The following SCUBE3 variants were observed in gnomAD, a reference collection of about 807,000 sequenced individuals.
SCUBE3 encodes the protein signal peptide, CUB and EGF-like domain-containing protein 3.
A neutral mutation model predicts 116.8 loss-of-function variants in SCUBE3; 33 were observed. The observed-to-expected ratio is 0.28, with a 90% CI of 0.21 to 0.38. SCUBE3 has a LOEUF of 0.38. SCUBE3 is among the 10% of genes least tolerant of loss of function. The probability of loss-of-function intolerance (pLI) is 1.00; values close to 1 mark genes in which losing one functional copy is unlikely to be tolerated. For synonymous variants in SCUBE3, 418 were observed against 496.9 expected, an observed-to-expected ratio of 0.84 and a Z score of 2.11; for missense variants, 1,007 against 1,324.8, an observed-to-expected ratio of 0.76 and a Z score of 3.72.
chr6:35,223,853 C>T (rs1029771170), intron 1 of SCUBE3: 1 of 152,210 alleles, frequency 6.6e-6, no homozygotes, highest in African/African-American at 2.4e-5. Flanking sequence ...TTGGGGCCCT[C>T]TTTCACAGCT....
Position 35,241,298 on chromosome 6 carries a change from C to G in SCUBE3, c.1195+32C>G. The G allele has an allele frequency of 6.4e-7, 1 of 1,571,686 alleles. No homozygotes were observed. The highest frequency in any genetic ancestry group is 8.7e-7 in the Non-Finnish European group (1 of 1,152,506). ...AGTGCCCTCTGCTGGCCAAAGATGA[C>G]ACTGCCATTTCAGGGAGCAGTTGGG... On this transcript the variant is annotated intron_variant, in intron 10 of 21. Transcript: ENST00000274938. The surrounding 1 kb of genome is among the most constrained non-coding windows in gnomAD (Gnocchi z 4.1).
Position 35,233,116 on chromosome 6 carries a change from C to A in SCUBE3, c.596-69C>A. On this transcript the variant is annotated intron_variant, in intron 5 of 21. Transcript: ENST00000274938. This position sits in a 1 kb window ranked among gnomAD's most constrained non-coding sequence, Gnocchi z 5.7. ...AGGCAACTAGGCAAGGGGGCCAGTACCCACATTGTGGAAAACTGTGGATGC... is the reference window on the plus strand; with the variant it reads ...AGGCAACTAGGCAAGGGGGCCAGTAACCACATTGTGGAAAACTGTGGATGC... The A allele has an allele frequency of 1.4e-6, 2 of 1,472,316 alleles. No homozygotes were observed. The highest frequency in any genetic ancestry group is 1.7e-5 in the Admixed American group (1 of 59,106). 91.2% of individuals were successfully genotyped at this position (1,472,316 alleles called of 1,614,324 possible). A position where few individuals can be genotyped will look rare whatever the true frequency, so the allele number is the denominator to read the frequency against.
At position 35,228,547 on chromosome 6, in the gene SCUBE3, C is replaced by G. The variant is rs956235132; in HGVS notation, c.209-67C>G. 157 of 1,572,874 alleles carry G rather than the reference C, an allele frequency of 1.0e-4. No individual in the cohort carries two copies. Among genetic ancestry groups the G allele is most frequent in the Non-Finnish European group, 1.3e-4 (144 of 1,148,890 alleles). ...TAACTATGTAAACACAACCATAAGG[C>G]TGAGTCTGGGGGTGGACAGTGGGTT... is the stretch of plus-strand genomic sequence containing the variant. On this transcript the variant is annotated intron_variant, in intron 2 of 21. Coordinates refer to ENST00000274938, the MANE Select transcript of SCUBE3 (RefSeq NM_152753.4). This position sits in a 1 kb window ranked among gnomAD's most constrained non-coding sequence, Gnocchi z 4.9.
At position 35,242,738 on chromosome 6, in the gene SCUBE3, AC is replaced by A; in HGVS notation, c.1654del (p.Leu552TrpfsTer29). The A allele has an allele frequency of 6.2e-7, 1 of 1,613,950 alleles. No individual in the cohort carries two copies. Among genetic ancestry groups the A allele is most frequent in the Non-Finnish European group, 8.5e-7 (1 of 1,179,858 alleles). On this transcript the variant is annotated frameshift_variant, in exon 14 of 22. Coordinates refer to ENST00000274938, the MANE Select transcript of SCUBE3 (RefSeq NM_152753.4). LOFTEE classifies it high-confidence loss of function. ...TPPGKEVTRL[T>X]LELEAEVRAE... ...TCCAGGCAAAGAGGTCACAAGGCTCACCCTGGAACTGGAGGCAGAGGTCAGA... is the reference window on the plus strand; with the variant it reads ...TCCAGGCAAAGAGGTCACAAGGCTCACCTGGAACTGGAGGCAGAGGTCAGA...
rs538743339 is a variant in SCUBE3 at position 35,243,898 on chromosome 6, C to T, written c.2072-65C>T. ...TTTGTATACCTTTGTCCCCTGAGAT[C>T]GGGTGACCCCATGGGGATGACTCAG... On this transcript the variant is annotated intron_variant, in intron 16 of 21. Transcript: ENST00000274938. The surrounding 1 kb of genome is among the most constrained non-coding windows in gnomAD (Gnocchi z 6.6). The T allele has an allele frequency of 6.1e-5, 95 of 1,554,304 alleles. No homozygotes were observed. The African/African-American group carries it at 6.2e-4, about 10-fold the overall frequency.
rs1784129239 is a variant in SCUBE3, at chr6:35,242,717, G to C, written c.1630G>C (p.Gly544Arg). 1.2e-6 allele frequency: 2 copies of C among 1,614,148 alleles called. No homozygotes were observed. The highest frequency in any genetic ancestry group is 1.3e-5 in the African/African-American group (1 of 75,062). Reference sequence around the variant, plus strand: ...GGGCCGACGGGCCCGGACCCCTCCAGGCAAAGAGGTCACAAGGCTCACCCT... The same window carrying C: ...GGGCCGACGGGCCCGGACCCCTCCACGCAAAGAGGTCACAAGGCTCACCCT... ...GKGRRARTPP[G>R]KEVTRLTLEL... Residue 544 changes from glycine to arginine, a missense_variant, in exon 14 of 22, where the codon GGC (glycine) becomes CGC (arginine). Around this residue, in one of 5 missense-constraint regions of SCUBE3, gnomAD observed 544 missense variants for 638.9 expected, o/e 0.85. Coordinates refer to ENST00000274938, the MANE Select transcript of SCUBE3 (RefSeq NM_152753.4).
chr6:35,225,307 G>A (rs1341792703), intron 1 of SCUBE3, among the ~76,000 whole-genome samples: 1 of 152,224 alleles, frequency 6.6e-6, no homozygotes, highest in Non-Finnish European at 1.5e-5. Context: ...TTGAATCTGG[G>A]ACTGACTGGT....
chr6:35,245,795 TG>T lies in SCUBE3; in HGVS notation c.2600-145del. On this transcript the variant is annotated intron_variant, in intron 19 of 21. Coordinates refer to ENST00000274938, the MANE Select transcript of SCUBE3 (RefSeq NM_152753.4). The surrounding 1 kb of genome is among the most constrained non-coding windows in gnomAD (Gnocchi z 4.2). ...GCCCAGTGGGCAATGGGAGAGGGTG[TG>T]GGGTAGGGTGTGTGTATGCGAAGGG... 1.2e-6 allele frequency: 1 copy of T among 812,074 alleles called. No homozygotes were observed. The highest frequency in any genetic ancestry group is 2.0e-6 in the Non-Finnish European group (1 of 499,784). 50.3% of individuals were successfully genotyped at this position (812,074 alleles called of 1,614,324 possible).
rs376942259 is a variant in SCUBE3, at chr6:35,243,630, C to T, written c.1946C>T (p.Thr649Met). The T allele has an allele frequency of 3.4e-5, 55 of 1,613,854 alleles. No individual in the cohort carries two copies. Among genetic ancestry groups the T allele is most frequent in the African/African-American group, 1.1e-4 (8 of 74,924 alleles). Residue 649 changes from threonine to methionine, a missense_variant, in exon 16 of 22, where the codon ACG (threonine) becomes ATG (methionine). Physicochemically the swap from Thr to Met is moderately conservative, Grantham distance 81. Transcript: ENST00000274938. The surrounding 1 kb of genome is among the most constrained non-coding windows in gnomAD (Gnocchi z 6.6). ...CPQGTYYHGQ[T>M]EQCVPCPAGT... ...CAGGGAACGTATTACCACGGCCAGACGGAGCAGTGTGTGCCATGCCCAGCG... is the reference window on the plus strand; with the variant it reads ...CAGGGAACGTATTACCACGGCCAGATGGAGCAGTGTGTGCCATGCCCAGCG...
Position 35,219,369 on chromosome 6 carries a change from G to A in SCUBE3, c.85+4866G>A, listed in dbSNP as rs566188105. Among the ~76,000 whole-genome samples the A allele has an allele frequency of 2.0e-5, 3 of 152,262 alleles. No homozygotes were observed. Among genetic ancestry groups the A allele is most frequent in the African/African-American group, 7.2e-5 (3 of 41,538 alleles). On this transcript the variant is annotated intron_variant, in intron 1 of 21. Coordinates refer to ENST00000274938, the MANE Select transcript of SCUBE3 (RefSeq NM_152753.4). The surrounding 1 kb of genome is among the most constrained non-coding windows in gnomAD (Gnocchi z 4.7). ...GCTGTCTGTATTCTGCCCTAGCCTA[G>A]ACATGTCCCCCTGCAGATCAAGCAC... is the stretch of plus-strand genomic sequence containing the variant.
At chr6:35,242,965 C>A in intron 14 of SCUBE3, 56 bp from the exon 15 acceptor site, 2 of 1,576,164 alleles carry the variant, frequency 1.3e-6, no homozygotes, top group Non-Finnish European at 1.7e-6. Flanking sequence ...CTCCCCTGCC[C>A]TCCTGCTCAC....
intron 3 of SCUBE3, among the ~76,000 whole-genome samples, chr6:35,229,374 C>T (rs1182292922): frequency 6.6e-6 from 1 of 152,138 alleles, no homozygotes; most frequent in South Asian, 2.1e-4. Context: ...TGTGTCACTG[C>T]GCTCCAGATC....
intron 1 of SCUBE3, among the ~76,000 whole-genome samples, chr6:35,225,343 T>C (rs1042718138): frequency 1.3e-5 from 2 of 152,262 alleles, no homozygotes; most frequent in Admixed American, 6.5e-5. Flanking sequence ...CGTTCTGTGA[T>C]AGCACATTTC....
Position 35,249,547 on chromosome 6 carries a change from C to T in SCUBE3, c.*842C>T, listed in dbSNP as rs1345508548. 1 of 152,264 alleles carries T rather than the reference C, an allele frequency of 6.6e-6. No individual in the cohort carries two copies. The highest frequency in any genetic ancestry group is 1.5e-5 in the Non-Finnish European group (1 of 68,084). The allele number at this position is 152,264 out of a possible 1,614,324, so 9.4% of individuals were successfully genotyped here. A position where few individuals can be genotyped will look rare whatever the true frequency, so the allele number is the denominator to read the frequency against. ...ATCATCTAAAGGACTAGACACAGAA[C>T]AATTGGAAGTCAACTTCAAACACTA... On this transcript the variant is annotated 3_prime_UTR_variant, in exon 22 of 22. Coordinates refer to ENST00000274938, the MANE Select transcript of SCUBE3 (RefSeq NM_152753.4).
chr6:35,221,141 T>G (rs548798306), intron 1 of SCUBE3: 1 of 152,310 alleles, frequency 6.6e-6, no homozygotes, highest in South Asian at 2.1e-4. Context: ...AGCAGTGGAA[T>G]GCCTGTGTCA....
rs550222081 is a variant in SCUBE3 at position 35,216,945 on chromosome 6, C to T, written c.85+2442C>T. Among the ~76,000 whole-genome samples the T allele has an allele frequency of 5.7e-4, 87 of 151,852 alleles. No individual in the cohort carries two copies. The Middle Eastern group carries it at 0.024, about 42-fold the overall frequency. ...CGACTGTGCACACATGAGAGGTTCA[C>T]CACAGTTACCCACAGGCAACATAGC... On this transcript the variant is annotated intron_variant, in intron 1 of 21. Coordinates refer to ENST00000274938, the MANE Select transcript of SCUBE3 (RefSeq NM_152753.4).
rs1042058059 is a variant in SCUBE3, at chr6:35,239,488, T to C, written c.830-264T>C. The stretch of plus-strand genomic sequence containing the variant: ...GGCCTGTTCCTAGTTTTGGTTCCAA[T>C]TTGTCCCCTTATAAGAACACTCAAT... On this transcript the variant is annotated intron_variant, in intron 7 of 21. Coordinates refer to ENST00000274938, the MANE Select transcript of SCUBE3 (RefSeq NM_152753.4). This position sits in a 1 kb window ranked among gnomAD's most constrained non-coding sequence, Gnocchi z 4.1. Among the ~76,000 whole-genome samples, 1 of 152,110 alleles carries C rather than the reference T, an allele frequency of 6.6e-6. No individual in the cohort carries two copies. The highest frequency in any genetic ancestry group is 2.4e-5 in the African/African-American group (1 of 41,400).
intron 1 of SCUBE3, among the ~76,000 whole-genome samples, chr6:35,216,291 G>C (rs1436108001): frequency 2.0e-5 from 3 of 152,214 alleles, no homozygotes; most frequent in African/African-American, 4.8e-5. Flanking sequence ...ACTCCCTGCT[G>C]GGTACTGAGG....
At position 35,240,549 on chromosome 6, in the gene SCUBE3, A is replaced by G. The variant is rs959607763; in HGVS notation, c.1069+59A>G. On this transcript the variant is annotated intron_variant, in intron 9 of 21. Coordinates refer to ENST00000274938, the MANE Select transcript of SCUBE3 (RefSeq NM_152753.4). This position sits in a 1 kb window ranked among gnomAD's most constrained non-coding sequence, Gnocchi z 4.6. ...GGCCCCCTCACCTCTTCACCCTCCA[A>G]TTGAACAGGTCCTTGTGTTGGCTTG... The G allele has an allele frequency of 3.2e-5, 26 of 810,032 alleles. No individual in the cohort carries two copies. Among genetic ancestry groups the G allele is most frequent in the South Asian group, 1.7e-4 (10 of 59,966 alleles). 50.2% of individuals were successfully genotyped at this position (810,032 alleles called of 1,614,324 possible).
Sources: allele counts gnomAD v4.1 joint callset (sites outside exome capture counted in the v4.1 genomes callset), GRCh38; gene constraint gnomAD v4.1.1; regional missense constraint gnomAD v4.1.1; non-coding constraint Gnocchi (gnomAD v3.1); transcripts MANE v1.5; gene names NCBI Gene and HGNC (gene_info 2026-07-23, HGNC 2026-07-21).